The following ENY2 variants were observed in gnomAD, a reference collection of about 807,000 sequenced individuals.
ENY2 encodes the protein ENY2 transcription and export complex 2 subunit.
In ENY2, 4 loss-of-function variants were observed where a neutral mutation model predicts 15.9. That is an observed-to-expected ratio of 0.25 (90% CI 0.12 to 0.57). The LOEUF (loss-of-function observed/expected upper bound fraction) is 0.57, where lower values mean the gene tolerates loss of function less well. Among genes scored for constraint, ENY2 ranks in the 20% least tolerant of loss-of-function variants. The pLI is 0.91. For missense variants in ENY2, 54 were observed against 117.2 expected, an observed-to-expected ratio of 0.46 and a Z score of 2.49; for synonymous variants, 48 against 38.0, an observed-to-expected ratio of 1.26 and a Z score of -0.97.
rs567797963 is a variant in ENY2, at chr8:109,345,063, C to G, written c.*1582C>G. On this transcript the variant is annotated 3_prime_UTR_variant, in exon 5 of 5. Coordinates refer to ENST00000521688, the MANE Select transcript of ENY2 (RefSeq NM_020189.6). The stretch of plus-strand genomic sequence containing the variant: ...GTTTCATCCGTAAGTACCTTTGAAC[C>G]CAGAAGCCCCCTTTCTCATATGTTT... The G allele has an allele frequency of 1.3e-5, 2 of 152,262 alleles. No individual in the cohort carries two copies. Among genetic ancestry groups the G allele is most frequent in the African/African-American group, 4.8e-5 (2 of 41,540 alleles). 9.4% of individuals were successfully genotyped at this position (152,262 alleles called of 1,614,324 possible).
intron 4 of ENY2, among the ~76,000 whole-genome samples, chr8:109,341,654 A>G (rs1405091376): frequency 6.6e-6 from 1 of 152,206 alleles, no homozygotes; most frequent in Non-Finnish European, 1.5e-5. Context: ...CTCCCCTGCT[A>G]GAGAATGAGC....
In ENY2 at chr8:109,334,456, C is replaced by G; in HGVS notation, c.-13C>G. On this transcript the variant is annotated 5_prime_UTR_variant, in exon 1 of 5. Coordinates refer to ENST00000521688, the MANE Select transcript of ENY2 (RefSeq NM_020189.6). The stretch of plus-strand genomic sequence containing the variant: ...ATTTCGTCGCTGGGAAGGGACGGCC[C>G]TCGCCCGCGGTGATGGTGGTGAGCT... 4 of 1,613,864 alleles carry G rather than the reference C, an allele frequency of 2.5e-6. No homozygotes were observed. The highest frequency in any genetic ancestry group is 3.4e-6 in the Non-Finnish European group (4 of 1,179,916).
intron 4 of ENY2, chr8:109,340,898 A>T: frequency 5.2e-6 from 1 of 191,046 alleles, no homozygotes; most frequent in Non-Finnish European, 1.1e-5. Context: ...GACTCCACTT[A>T]AATATTTAAT....
chr8:109,342,246 TA>T (rs1219226665), intron 4 of ENY2, among the ~76,000 whole-genome samples: 4 of 150,784 alleles, frequency 2.7e-5, no homozygotes, highest in African/African-American at 9.7e-5. Flanking sequence ...ATAACAGTTG[TA>T]ATTTTTTGGA....
intron 1 of ENY2, 56 bp from the exon 2 acceptor site, chr8:109,336,072 T>G (rs565079693): frequency 6.5e-7 from 1 of 1,542,226 alleles, no homozygotes; most frequent in South Asian, 1.1e-5. Context: ...CCTAGAGGAT[T>G]TAGCAGAAAA....
In ENY2 at chr8:109,340,515, C is replaced by T; in HGVS notation, c.181C>T (p.His61Tyr). ...GGTAATTAAAGAAAAAGGACTAGAA[C>T]ACGTTACTGTTGATGACTTGGTGGC... The part of the protein sequence containing the change: ...KEVIKEKGLE[H>Y]VTVDDLVAEI... Residue 61 changes from histidine (H) to tyrosine (Y), a missense_variant, in exon 4 of 5, where the codon CAC (histidine) becomes TAC (tyrosine). Coordinates refer to ENST00000521688, the MANE Select transcript of ENY2 (RefSeq NM_020189.6). 2.5e-6 allele frequency: 4 copies of T among 1,613,404 alleles called. No individual in the cohort carries two copies. Among genetic ancestry groups the T allele is most frequent in the Non-Finnish European group, 3.4e-6 (4 of 1,179,506 alleles).
chr8:109,339,469 A>G (rs765839732), intron 3 of ENY2, 79 bp downstream of exon 3: 6 of 1,133,112 alleles, frequency 5.3e-6, no homozygotes, highest in Non-Finnish European at 7.9e-6. Flanking sequence ...ATTTTAAGGT[A>G]TATTGAGTAT....
chr8:109,335,972 A>C, intron 1 of ENY2, 156 bp from the exon 2 acceptor site: 1 of 637,996 alleles, frequency 1.6e-6, no homozygotes, highest in Non-Finnish European at 2.6e-6. Flanking sequence ...CAAGCACATA[A>C]GTGTTTAATA....
chr8:109,340,006 T>G (rs1250978198), intron 3 of ENY2, among the ~76,000 whole-genome samples: 1 of 152,180 alleles, frequency 6.6e-6, no homozygotes, highest in Non-Finnish European at 1.5e-5. Context: ...GCATAGACTT[T>G]AAGGTCATAT....
chr8:109,339,045 G>A, intron 2 of ENY2: 1 of 467,388 alleles, frequency 2.1e-6, no homozygotes, highest in South Asian at 2.8e-5. Flanking sequence ...TATATAACGT[G>A]GCCAAATAAT....
intron 4 of ENY2, among the ~76,000 whole-genome samples, chr8:109,342,349 A>G (rs1816136205): frequency 6.6e-6 from 1 of 151,508 alleles, no homozygotes; most frequent in Non-Finnish European, 1.5e-5. Flanking sequence ...TCCACGTAAT[A>G]TGAGAGTGCT....
intron 2 of ENY2, among the ~76,000 whole-genome samples, chr8:109,337,610 A>G (rs1816015651): frequency 6.6e-6 from 1 of 152,310 alleles, no homozygotes; most frequent in East Asian, 1.9e-4. Context: ...AACAAAGAAG[A>G]AATCAGAAGG....
At chr8:109,339,559 A>C (rs978650020) in intron 3 of ENY2, 169 bp downstream of exon 3, 1 of 503,130 alleles carries the variant, frequency 2.0e-6, no homozygotes, top group Non-Finnish European at 3.5e-6. Context: ...CTAATTCCCA[A>C]ATTTTTAGAA....
At chr8:109,341,742 T>G (rs1299092623) in intron 4 of ENY2, among the ~76,000 whole-genome samples, 1 of 152,176 alleles carries the variant, frequency 6.6e-6, no homozygotes, top group Admixed American at 6.5e-5. Context: ...AGACATACTT[T>G]TTAACACAGT....
intron 1 of ENY2, 58 bp downstream of exon 1, chr8:109,334,532 G>T: frequency 6.3e-7 from 1 of 1,582,896 alleles, no homozygotes; most frequent in Non-Finnish European, 8.6e-7. Flanking sequence ...GGCTCCTTTC[G>T]ATGTACTGTC....
chr8:109,335,089 C>G (rs557745622), intron 1 of ENY2: 1 of 152,340 alleles, frequency 6.6e-6, no homozygotes, highest in South Asian at 2.1e-4. Context: ...TTAATTTAAA[C>G]TTTTAAGTGG....
chr8:109,334,507 C>T (rs777427905), intron 1 of ENY2, 33 bp downstream of exon 1: 5 of 1,609,006 alleles, frequency 3.1e-6, no homozygotes, highest in Non-Finnish European at 4.2e-6. Flanking sequence ...AGGGCCGGGA[C>T]CCGGGCCCAG....
rs1233912847 is a variant in ENY2 at position 109,343,641 on chromosome 8, T to C, written c.*160T>C. On this transcript the variant is annotated 3_prime_UTR_variant, in exon 5 of 5. Coordinates refer to ENST00000521688, the MANE Select transcript of ENY2 (RefSeq NM_020189.6). Reference sequence around the variant, plus strand: ...TTGATTTTTTTCCCTAAATGTGTTATTTTAATAAATATCTCATGAATGAGT... The same window carrying C: ...TTGATTTTTTTCCCTAAATGTGTTACTTTAATAAATATCTCATGAATGAGT... 1.9e-6 allele frequency: 1 copy of C among 535,534 alleles called. No homozygotes were observed. Among genetic ancestry groups the C allele is most frequent in the Non-Finnish European group, 3.2e-6 (1 of 313,274 alleles). 33.2% of individuals were successfully genotyped at this position (535,534 alleles called of 1,614,324 possible). A position where few individuals can be genotyped will look rare whatever the true frequency, so the allele number is the denominator to read the frequency against.
intron 2 of ENY2, among the ~76,000 whole-genome samples, chr8:109,337,081 T>TTTTTTTTTTTTTTG (rs1250292351): frequency 6.6e-6 from 1 of 151,384 alleles, no homozygotes; most frequent in Non-Finnish European, 1.5e-5. Flanking sequence ...TTTAAAGTTT[T>TTTTTTTTTTTTTTG]AAGAAAGGAA....
Sources: allele counts gnomAD v4.1 joint callset (sites outside exome capture counted in the v4.1 genomes callset), GRCh38; gene constraint gnomAD v4.1.1; transcripts MANE v1.5; gene names NCBI Gene and HGNC (gene_info 2026-07-23, HGNC 2026-07-21).